Variants in ATP2B2 observed in about 807,000 individuals in gnomAD.
ATP2B2 encodes plasma membrane calcium-transporting ATPase 2.
ATP2B2 carries 15 observed loss-of-function variants against 120.0 expected under a neutral mutation model. That is an observed-to-expected ratio of 0.12 (90% CI 0.08 to 0.19). The LOEUF is 0.19. ATP2B2 is among the 10% of genes least tolerant of loss of function. The pLI, the probability that ATP2B2 is intolerant of heterozygous loss-of-function variation, is 1.00. For synonymous variants in ATP2B2, 694 were observed against 700.3 expected (o/e 0.99, Z 0.14); for missense variants, 1,045 against 1,719.8 (o/e 0.61, Z 6.94).
At chr3:10,468,317 C>T (rs117714164) in intron 1 of ATP2B2, among the ~76,000 whole-genome samples, 8 of 152,206 alleles carry the variant, frequency 5.3e-5, no homozygotes, top group Non-Finnish European at 7.4e-5. Flanking sequence ...GCTGGCCCAG[C>T]GGGCTGGGTG....
At chr3:10,410,875 G>T (rs2062588332) in intron 2 of ATP2B2, 60 bp from the exon 3 acceptor site, 3 of 1,568,862 alleles carry the variant, frequency 1.9e-6, no homozygotes, top group Non-Finnish European at 2.6e-6. Context: ...GCATGTTCTG[G>T]GAATCTAGGG....
chr3:10,360,036 C>T lies in ATP2B2; in HGVS notation c.1747G>A (p.Asp583Asn). 1 of 1,614,068 alleles carries T rather than the reference C, an allele frequency of 6.2e-7. No homozygotes were observed. The highest frequency in any genetic ancestry group is 8.5e-7 in the Non-Finnish European group (1 of 1,179,926). Residue 583 changes from aspartate (D) to asparagine (N), a missense_variant, in exon 13 of 23, where the codon GAC becomes AAC. Physicochemically the swap from Asp to Asn is conservative, Grantham distance 23. Coordinates refer to ENST00000360273, the MANE Select transcript of ATP2B2 (RefSeq NM_001001331.4). ...ATCTGGCTGCGCACGGGCTCGTAGTCCTGCTTCAGGTCCAGCACGAAGCCC... is the reference window on the plus strand; with the variant it reads ...ATCTGGCTGCGCACGGGCTCGTAGTTCTGCTTCAGGTCCAGCACGAAGCCC... ...LLGFVLDLKQ[D>N]YEPVRSQMPE...
In ATP2B2 at chr3:10,582,907, C is replaced by T. The variant is rs559996015; in HGVS notation, c.-415+37010G>A. Among the ~76,000 whole-genome samples the T allele has an allele frequency of 2.0e-5, 3 of 152,344 alleles. No homozygotes were observed. The East Asian group carries it at 5.8e-4, about 29-fold the overall frequency. On this transcript the variant is annotated intron_variant, in intron 2 of 21. Coordinates refer to the ATP2B2 transcript ENST00000646379. ...CTACCAGCAGCATAGATTGCTTACC[C>T]TGGCAGTTCTGTCCTGGCACCGTGC...
intron 3 of ATP2B2, among the ~76,000 whole-genome samples, chr3:10,512,793 A>G (rs993241969): frequency 3.9e-5 from 6 of 152,072 alleles, no homozygotes; most frequent in Non-Finnish European, 8.8e-5. Context: ...CCTCCATTGC[A>G]CCCACAGGCG....
At chr3:10,503,105 C>T (rs553327094) in intron 1 of ATP2B2, among the ~76,000 whole-genome samples, 14 of 152,328 alleles carry the variant, frequency 9.2e-5, no homozygotes, top group African/African-American at 3.1e-4. Context: ...GCTGGGGGAA[C>T]GCAGAGGAGG....
chr3:10,349,423 C>G (rs771238027), intron 16 of ATP2B2, among the ~76,000 whole-genome samples: 16 of 152,080 alleles, frequency 1.1e-4, no homozygotes, highest in Non-Finnish European at 1.8e-4. Flanking sequence ...CCACTGCACT[C>G]TAGCTTGGGT....
At chr3:10,447,197 G>T (rs1383472476) in intron 2 of ATP2B2, among the ~76,000 whole-genome samples, 1 of 152,204 alleles carries the variant, frequency 6.6e-6, no homozygotes, top group Non-Finnish European at 1.5e-5. Context: ...GTGTCTCAGG[G>T]TTTTACCGGG....
At chr3:10,432,475 C>T (rs1471319730) in intron 2 of ATP2B2, among the ~76,000 whole-genome samples, 1 of 152,248 alleles carries the variant, frequency 6.6e-6, no homozygotes, top group Non-Finnish European at 1.5e-5. Flanking sequence ...TCAGCAGTTC[C>T]AGGAGCCAGA....
intron 2 of ATP2B2, among the ~76,000 whole-genome samples, chr3:10,618,124 A>G (rs1041419920): frequency 6.6e-6 from 1 of 152,220 alleles, no homozygotes; most frequent in Non-Finnish European, 1.5e-5. Flanking sequence ...TCTTTTACAA[A>G]CGTAATGTTA....
chr3:10,559,218 G>A (rs1473175361), intron 2 of ATP2B2, among the ~76,000 whole-genome samples: 2 of 152,188 alleles, frequency 1.3e-5, no homozygotes, highest in Non-Finnish European at 2.9e-5. Context: ...CGTGGAAGTA[G>A]AGAGTAAAAC....
At chr3:10,605,153 C>T (rs1213899175) in intron 2 of ATP2B2, among the ~76,000 whole-genome samples, 4 of 152,186 alleles carry the variant, frequency 2.6e-5, no homozygotes, top group Non-Finnish European at 5.9e-5. Context: ...TAGGGAATAA[C>T]ACACTAACTA....
At chr3:10,544,194 T>C (rs2067496282) in intron 2 of ATP2B2, among the ~76,000 whole-genome samples, 2 of 152,196 alleles carry the variant, frequency 1.3e-5, no homozygotes, top group Non-Finnish European at 2.9e-5. Flanking sequence ...GTGTTTTCCC[T>C]AATCTGCTTG....
chr3:10,506,283 G>C (rs1413710085), upstream of ATP2B2, among the ~76,000 whole-genome samples: 1 of 152,076 alleles, frequency 6.6e-6, no homozygotes, highest in Non-Finnish European at 1.5e-5. Flanking sequence ...CCTGCCCTCG[G>C]GGGGGTGTGG....
chr3:10,462,176 C>T (rs1201065023), intron 1 of ATP2B2, among the ~76,000 whole-genome samples: 1 of 152,196 alleles, frequency 6.6e-6, no homozygotes. Context: ...GCTCCAGAAC[C>T]GACCTTCTTG....
intron 12 of ATP2B2, among the ~76,000 whole-genome samples, chr3:10,361,445 G>A (rs1050439040): frequency 6.6e-6 from 1 of 152,136 alleles, no homozygotes; most frequent in Non-Finnish European, 1.5e-5. Context: ...CCTTCCCTGA[G>A]TGCCTCCCTT....
intron 2 of ATP2B2, among the ~76,000 whole-genome samples, chr3:10,415,973 C>T (rs1431854245): frequency 2.8e-4 from 42 of 152,334 alleles, no homozygotes; most frequent in Non-Finnish European, 2.9e-5. Flanking sequence ...GGGCCAGTTT[C>T]ACCCCTCGGA....
At chr3:10,602,225 GTC>G (rs1163451786) in intron 2 of ATP2B2, among the ~76,000 whole-genome samples, 1 of 152,168 alleles carries the variant, frequency 6.6e-6, no homozygotes, top group Admixed American at 6.5e-5. Flanking sequence ...GAATGTGGGG[GTC>G]TGTTCTGGAA....
intron 1 of ATP2B2, among the ~76,000 whole-genome samples, chr3:10,498,230 T>C (rs1339310881): frequency 1.3e-5 from 2 of 152,168 alleles, no homozygotes; most frequent in Non-Finnish European, 2.9e-5. Context: ...GCTTGGAGAT[T>C]AAGGACATGC....
chr3:10,584,299 C>G (rs2068457468), intron 2 of ATP2B2, among the ~76,000 whole-genome samples: 1 of 152,170 alleles, frequency 6.6e-6, no homozygotes, highest in Non-Finnish European at 1.5e-5. Context: ...GCATTTCCTG[C>G]AAGGCAGCGG....
Sources: allele counts gnomAD v4.1 joint callset (sites outside exome capture counted in the v4.1 genomes callset), GRCh38; gene constraint gnomAD v4.1.1; transcripts MANE v1.5; gene names NCBI Gene and HGNC (gene_info 2026-07-23, HGNC 2026-07-21).